TMCC2: variants seen among roughly 807,000 people sequenced by gnomAD.
TMCC2 encodes transmembrane and coiled-coil domains protein 2.
Under a neutral mutation model 49.4 loss-of-function variants are expected in TMCC2, and 16 were observed. The observed-to-expected ratio is 0.32, with a 90% CI of 0.22 to 0.49. The LOEUF (loss-of-function observed/expected upper bound fraction) is 0.49, where lower values mean the gene tolerates loss of function less well. TMCC2 is among the 20% of genes least tolerant of loss of function. The probability of loss-of-function intolerance (pLI) is 0.99; values close to 1 mark genes in which losing one functional copy is unlikely to be tolerated. For missense variants in TMCC2, 762 were observed against 989.8 expected (o/e 0.77, Z 3.09); for synonymous variants, 397 against 434.1 (o/e 0.91, Z 1.06).
chr1:205,273,239 A>G lies in TMCC2; in HGVS notation c.*1115A>G, dbSNP rs1051753535. On this transcript the variant is annotated 3_prime_UTR_variant, in exon 5 of 5. Transcript: ENST00000358024. ...ATGGGCACTTCTAAGAAGAGAGGGGATTTCTTGGAAAAGGAGAGAGGAATC... is the reference window on the plus strand; with the variant it reads ...ATGGGCACTTCTAAGAAGAGAGGGGGTTTCTTGGAAAAGGAGAGAGGAATC... The G allele has an allele frequency of 2.0e-5, 3 of 152,028 alleles. No homozygotes were observed. The highest frequency in any genetic ancestry group is 7.3e-5 in the African/African-American group (3 of 41,364). The allele number at this position is 152,028 out of a possible 1,614,324, so 9.4% of individuals were successfully genotyped here. A position where few individuals can be genotyped will look rare whatever the true frequency, so the allele number is the denominator to read the frequency against.
At chr1:205,246,308 C>CG (rs1245981055) in intron 2 of TMCC2, among the ~76,000 whole-genome samples, 3 of 17,066 alleles carry the variant, frequency 1.8e-4, no homozygotes, top group Non-Finnish European at 4.1e-4. Flanking sequence ...GAGGTGGGGG[C>CG]GGGGGGTGGG....
chr1:205,254,765 T>C (rs1454735774), intron 2 of TMCC2, among the ~76,000 whole-genome samples: 1 of 152,114 alleles, frequency 6.6e-6, no homozygotes, highest in African/African-American at 2.4e-5. Context: ...ACTCTTTCTG[T>C]TGCTTCTGAG....
rs886788220 is a variant in TMCC2, at chr1:205,271,938, C to T, written c.1944C>T (p.Asn648=). ...NARALLGKFI[N]VILALMAVLL... is the part of the protein sequence containing the mutation. ...GGGCGCTGCTGGGCAAGTTCATCAA[C>T]GTGATCCTGGCGCTCATGGCCGTGC... Residue 648 remains asparagine, a synonymous_variant, in exon 5 of 5, where the codon AAC becomes AAT. Coordinates refer to ENST00000358024, the MANE Select transcript of TMCC2 (RefSeq NM_014858.4). 20 of 1,614,096 alleles carry T rather than the reference C, an allele frequency of 1.2e-5. No homozygotes were observed. The highest frequency in any genetic ancestry group is 3.3e-5 in the South Asian group (3 of 91,094).
intron 3 of TMCC2, 78 bp downstream of exon 3, chr1:205,269,962 G>A (rs1400910623): frequency 3.5e-6 from 5 of 1,433,392 alleles, no homozygotes; most frequent in Non-Finnish European, 4.8e-6. Flanking sequence ...CAGACCCAGG[G>A]TGTGGAGGCA....
rs1253790912 is a variant in TMCC2 at position 205,228,560 on chromosome 1, A to T, written c.-5A>T. On this transcript the variant is annotated 5_prime_UTR_variant, in exon 1 of 5. Transcript: ENST00000358024. Reference sequence around the variant, plus strand: ...ACAGATTCCCCTTGCCGACCCACATACACCATGAAGAGGTGCAGATCGGAC... The same window carrying T: ...ACAGATTCCCCTTGCCGACCCACATTCACCATGAAGAGGTGCAGATCGGAC... 6.2e-7 allele frequency: 1 copy of T among 1,600,822 alleles called. No homozygotes were observed. Among genetic ancestry groups the T allele is most frequent in the Non-Finnish European group, 8.5e-7 (1 of 1,170,260 alleles).
rs900731767 is a variant in TMCC2 at position 205,241,136 on chromosome 1, G to C, written c.208-369G>C. Among the ~76,000 whole-genome samples the C allele has an allele frequency of 6.6e-6, 1 of 152,088 alleles. No homozygotes were observed. Among genetic ancestry groups the C allele is most frequent in the African/African-American group, 2.4e-5 (1 of 41,396 alleles). Reference sequence around the variant, plus strand: ...CTAACTTGGAAGGAGGGAAGGACTGGGGGTGGGGATCAATCTAGAGGGATA... The same window carrying C: ...CTAACTTGGAAGGAGGGAAGGACTGCGGGTGGGGATCAATCTAGAGGGATA... On this transcript the variant is annotated intron_variant, in intron 1 of 4. Coordinates refer to ENST00000358024, the MANE Select transcript of TMCC2 (RefSeq NM_014858.4). This position sits in a 1 kb window ranked among gnomAD's most constrained non-coding sequence, Gnocchi z 7.3.
intron 2 of TMCC2, among the ~76,000 whole-genome samples, chr1:205,243,185 A>T (rs1237902132): frequency 6.6e-6 from 1 of 152,178 alleles, no homozygotes; most frequent in East Asian, 1.9e-4. Context: ...GGAGTTCAAG[A>T]TCACTCTGGC....
intron 2 of TMCC2, chr1:205,257,082 C>CCG: frequency 9.0e-7 from 1 of 1,111,076 alleles, no homozygotes; most frequent in Non-Finnish European, 1.1e-6. Context: ...CTCGGTCCTC[C>CCG]CGCGCTCGGT....
intron 1 of TMCC2, among the ~76,000 whole-genome samples, chr1:205,237,932 C>T (rs1220369647): frequency 6.6e-6 from 1 of 152,202 alleles, no homozygotes; most frequent in Non-Finnish European, 1.5e-5. Context: ...TACCTTATGG[C>T]CAGTTCTGGG....
At chr1:205,267,762 G>GTGCCACCCTGATGCACTCGGGAAGCC (rs1661403252) in intron 2 of TMCC2, 1 of 383,058 alleles carries the variant, frequency 2.6e-6, no homozygotes, top group Non-Finnish European at 3.6e-6. Flanking sequence ...TCCGACTTTG[G>GTGCCACCCTGATGCACTCGGGAAGCC]TGCCACCCTG....
chr1:205,271,986 C>T lies in TMCC2; in HGVS notation c.1992C>T (p.Ile664=), dbSNP rs767415991. The T allele has an allele frequency of 1.1e-5, 18 of 1,614,080 alleles. No homozygotes were observed. Among genetic ancestry groups the T allele is most frequent in the East Asian group, 2.2e-5 (1 of 44,896 alleles). The part of the protein sequence containing the change: ...MAVLLVFVST[I]ANFITPLMKT... ...TGCTGCTGGTGTTCGTGTCCACCATCGCCAACTTCATCACGCCCCTCATGA... is the reference window on the plus strand; with the variant it reads ...TGCTGCTGGTGTTCGTGTCCACCATTGCCAACTTCATCACGCCCCTCATGA... The change falls in exon 5 of 5, where the codon ATC becomes ATT. Residue 664 remains isoleucine, a synonymous_variant. Transcript: ENST00000358024.
At chr1:205,255,300 A>C (rs1660819990) in intron 2 of TMCC2, among the ~76,000 whole-genome samples, 1 of 151,956 alleles carries the variant, frequency 6.6e-6, no homozygotes, top group Non-Finnish European at 1.5e-5. Context: ...CATGCCTGTA[A>C]TCCCAGCATT....
chr1:205,261,996 A>G (rs1342031631), intron 2 of TMCC2, among the ~76,000 whole-genome samples: 2 of 152,026 alleles, frequency 1.3e-5, no homozygotes, highest in African/African-American at 2.4e-5. Flanking sequence ...CTTGTTCACT[A>G]ATTTTCTTTC....
intron 2 of TMCC2, among the ~76,000 whole-genome samples, chr1:205,242,458 T>G (rs1660310912): frequency 1.3e-5 from 2 of 152,196 alleles, no homozygotes; most frequent in Non-Finnish European, 2.9e-5. Context: ...GTTGTAGGAC[T>G]AAATGAGTTA....
Position 205,269,840 on chromosome 1 carries a change from G to T in TMCC2, c.1638G>T (p.Arg546Ser). 6.2e-7 allele frequency: 1 copy of T among 1,614,020 alleles called. No homozygotes were observed. The highest frequency in any genetic ancestry group is 8.5e-7 in the Non-Finnish European group (1 of 1,180,008). ...AAGACCTGAAGACTCAGCTGCAGAG[G>T]GACTACACCTACATGACCCAGTGCC... ...SMEDLKTQLQ[R>S]DYTYMTQCLQ... Residue 546 changes from arginine to serine, a missense_variant, in exon 3 of 5, where the codon AGG (arginine) becomes AGT (serine). By Grantham distance (110) the Arg-to-Ser change is moderately radical. Transcript: ENST00000358024.
intron 2 of TMCC2, among the ~76,000 whole-genome samples, chr1:205,263,813 TAA>T (rs1230002398): frequency 1.3e-5 from 2 of 152,202 alleles, no homozygotes; most frequent in African/African-American, 4.8e-5. Context: ...TCTTGCTTCC[TAA>T]AAAGGTGGCA....
chr1:205,239,713 T>C (rs914237061), intron 1 of TMCC2, among the ~76,000 whole-genome samples: 2 of 152,188 alleles, frequency 1.3e-5, no homozygotes, highest in Non-Finnish European at 2.9e-5. Flanking sequence ...GTCTGTAAAA[T>C]GGGTGATGTA....
intron 2 of TMCC2, chr1:205,257,083 C>T (rs762064226): frequency 1.9e-5 from 21 of 1,119,732 alleles, no homozygotes; most frequent in African/African-American, 1.3e-4. Context: ...TCGGTCCTCC[C>T]GCGCTCGGTG....
Position 205,269,181 on chromosome 1 carries a change from C to T in TMCC2, c.979C>T (p.Gln327Ter). The change falls in exon 3 of 5, where the codon CAG becomes TAG. Residue 327 changes from glutamine (Q) to a stop codon, truncating the protein, a stop_gained. Coordinates refer to ENST00000358024, the MANE Select transcript of TMCC2 (RefSeq NM_014858.4). LOFTEE classifies it high-confidence loss of function. ...GAAACTGGCCAACAACGCGGACAAG[C>T]AGCAGGTGTCACGCATCAAGCAAGT... ...YLKLANNADK[Q>*]QVSRIKQVFE... 1 of 1,614,164 alleles carries T rather than the reference C, an allele frequency of 6.2e-7. No individual in the cohort carries two copies.
Sources: allele counts gnomAD v4.1 joint callset (sites outside exome capture counted in the v4.1 genomes callset), GRCh38; gene constraint gnomAD v4.1.1; non-coding constraint Gnocchi (gnomAD v3.1); transcripts MANE v1.5; gene names NCBI Gene and HGNC (gene_info 2026-07-23, HGNC 2026-07-21).